Variants in MGAT4A observed in about 807,000 individuals in gnomAD.
MGAT4A encodes the protein N-acetylglucosaminyltransferase IVa.
Under a neutral mutation model 74.1 loss-of-function variants are expected in MGAT4A, and 33 were observed. That is an observed-to-expected ratio of 0.45 (90% CI 0.34 to 0.60). MGAT4A has a LOEUF of 0.60. Among genes scored for constraint, MGAT4A ranks in the 20% least tolerant of loss-of-function variants. The probability of loss-of-function intolerance (pLI) is 0.02; values close to 1 mark genes in which losing one functional copy is unlikely to be tolerated. For missense variants in MGAT4A, 479 were observed against 628.3 expected, an observed-to-expected ratio of 0.76 and a Z score of 2.54; for synonymous variants, 198 against 210.4, an observed-to-expected ratio of 0.94 and a Z score of 0.51.
intron 4 of MGAT4A, among the ~76,000 whole-genome samples, chr2:98,674,629 TA>T (rs1701954562): frequency 6.6e-6 from 1 of 152,196 alleles, no homozygotes; most frequent in African/African-American, 2.4e-5. Context: ...AAAAGTTACA[TA>T]AAAGTTACTA....
chr2:98,685,698 A>G (rs1027434711), intron 2 of MGAT4A, among the ~76,000 whole-genome samples: 6 of 152,186 alleles, frequency 3.9e-5, no homozygotes, highest in African/African-American at 1.4e-4. Flanking sequence ...AAACGAGACC[A>G]AGTATCTCAT....
chr2:98,664,105 G>T (rs563734487), intron 4 of MGAT4A, among the ~76,000 whole-genome samples: 26 of 151,082 alleles, frequency 1.7e-4, no homozygotes, highest in African/African-American at 6.1e-4. Flanking sequence ...TACTTGGGAG[G>T]TGGAGGCACA....
intron 2 of MGAT4A, among the ~76,000 whole-genome samples, chr2:98,704,763 C>T (rs750483854): frequency 7.2e-5 from 11 of 152,080 alleles, no homozygotes; most frequent in Middle Eastern, 3.4e-3. Flanking sequence ...GAGCCAGATC[C>T]TGCCTCAATT....
intron 10 of MGAT4A, among the ~76,000 whole-genome samples, chr2:98,643,225 T>C (rs1167675853): frequency 6.6e-6 from 1 of 152,212 alleles, no homozygotes; most frequent in East Asian, 1.9e-4. Context: ...GGTCTTGATA[T>C]GTTGCCCAGG....
chr2:98,697,776 G>A (rs1200845941), intron 2 of MGAT4A, among the ~76,000 whole-genome samples: 1 of 152,148 alleles, frequency 6.6e-6, no homozygotes, highest in Non-Finnish European at 1.5e-5. Flanking sequence ...CAACTGAAAG[G>A]ACTTCACCAC....
intron 3 of MGAT4A, 66 bp from the exon 4 acceptor site, chr2:98,675,241 C>T (rs1701963823): frequency 8.2e-7 from 1 of 1,226,572 alleles, no homozygotes; most frequent in South Asian, 1.5e-5. Context: ...TTTATAAAAC[C>T]AGCAGTAAAA....
chr2:98,660,782 T>C (rs1411709882), intron 5 of MGAT4A, among the ~76,000 whole-genome samples: 1 of 151,998 alleles, frequency 6.6e-6, no homozygotes, highest in Non-Finnish European at 1.5e-5. Flanking sequence ...AAACTCAAAA[T>C]GGATTGAAAA....
chr2:98,639,649 T>C (rs570736007), intron 12 of MGAT4A, among the ~76,000 whole-genome samples, 159 bp downstream of exon 12: 1 of 152,306 alleles, frequency 6.6e-6, no homozygotes, highest in East Asian at 1.9e-4. Flanking sequence ...ACATACTCGT[T>C]TTATTATGGA....
intron 14 of MGAT4A, among the ~76,000 whole-genome samples, chr2:98,626,312 T>C (rs1210647399): frequency 6.6e-6 from 1 of 152,204 alleles, no homozygotes; most frequent in East Asian, 1.9e-4. Context: ...AAGGCACATT[T>C]AGAAGGAATT....
chr2:98,723,291 C>T (rs984966982), intron 2 of MGAT4A, among the ~76,000 whole-genome samples: 1 of 152,128 alleles, frequency 6.6e-6, no homozygotes, highest in African/African-American at 2.4e-5. Flanking sequence ...GTGCAACTTG[C>T]GCCAGCAGCA....
intron 2 of MGAT4A, 170 bp downstream of exon 2, chr2:98,726,069 C>T: frequency 2.0e-6 from 1 of 488,312 alleles, no homozygotes; most frequent in Non-Finnish European, 3.6e-6. Context: ...ATTAGAAATT[C>T]TGTGTCCTCT....
intron 2 of MGAT4A, among the ~76,000 whole-genome samples, chr2:98,687,277 T>C (rs530906810): frequency 7.9e-4 from 121 of 152,272 alleles, no homozygotes; most frequent in East Asian, 1.4e-3. Context: ...GATAACTACA[T>C]AGTTATCTAA....
intron 9 of MGAT4A, among the ~76,000 whole-genome samples, chr2:98,645,155 C>T (rs1209067447): frequency 6.6e-6 from 1 of 152,108 alleles, no homozygotes; most frequent in Non-Finnish European, 1.5e-5. Flanking sequence ...GCTGGAAATG[C>T]CAGAGAAGAA....
intron 4 of MGAT4A, among the ~76,000 whole-genome samples, chr2:98,665,748 G>C (rs895936882): frequency 6.6e-6 from 1 of 152,212 alleles, no homozygotes; most frequent in South Asian, 2.1e-4. Flanking sequence ...ATGGGGAGGG[G>C]GTACCCCTGT....
intron 2 of MGAT4A, among the ~76,000 whole-genome samples, chr2:98,716,637 A>G (rs1478280243): frequency 3.3e-5 from 5 of 152,214 alleles, no homozygotes; most frequent in Non-Finnish European, 5.9e-5. Flanking sequence ...AAAAGAAAGG[A>G]CATAACATCA....
intron 1 of MGAT4A, among the ~76,000 whole-genome samples, chr2:98,728,384 G>C (rs184166252): frequency 6.6e-6 from 1 of 152,296 alleles, no homozygotes; most frequent in Non-Finnish European, 1.5e-5. Flanking sequence ...CTCTAAGATT[G>C]AACTTATTCA....
Position 98,636,718 on chromosome 2 carries a change from C to A in MGAT4A, c.1323-123G>T, listed in dbSNP as rs183170407. The A allele has an allele frequency of 3.5e-4, 262 of 743,672 alleles. 1 individual carries two copies. Among genetic ancestry groups the A allele is most frequent in the Admixed American group, 1.7e-4 (8 of 47,060 alleles). 46.1% of individuals were successfully genotyped at this position (743,672 alleles called of 1,614,324 possible). ...GACTCTAAGCAAGCAAAGTTGACAA[C>A]GCTAGAGCTTCTAATAACTGCACAG... is the stretch of plus-strand genomic sequence containing the variant. On this transcript the variant is annotated intron_variant, in intron 12 of 15. Transcript: ENST00000393487.
At chr2:98,645,572 C>A in intron 8 of MGAT4A, 30 bp from the exon 9 acceptor site, 2 of 1,428,586 alleles carry the variant, frequency 1.4e-6, no homozygotes, top group East Asian at 2.4e-5. Context: ...CATATTAATA[C>A]ATCAAAAAAA....
chr2:98,726,663 G>A (rs1021224126), intron 1 of MGAT4A, 96 bp from the exon 2 acceptor site: 2 of 287,870 alleles, frequency 6.9e-6, no homozygotes, highest in African/African-American at 4.3e-5. Context: ...CTTTTGGCAG[G>A]GCTAAATTGC....
Sources: allele counts gnomAD v4.1 joint callset (sites outside exome capture counted in the v4.1 genomes callset), GRCh38; gene constraint gnomAD v4.1.1; transcripts MANE v1.5; gene names NCBI Gene and HGNC (gene_info 2026-07-23, HGNC 2026-07-21).